The following DYNC1LI1 variants were observed in gnomAD, a reference collection of about 807,000 sequenced individuals.
DYNC1LI1 encodes cytoplasmic dynein 1 light intermediate chain 1.
A neutral mutation model predicts 63.8 loss-of-function variants in DYNC1LI1; 19 were observed. The observed-to-expected ratio is 0.30, with a 90% CI of 0.21 to 0.44. The LOEUF (loss-of-function observed/expected upper bound fraction) is 0.44, where lower values mean the gene tolerates loss of function less well. Among genes scored for constraint, DYNC1LI1 ranks in the 20% least tolerant of loss-of-function variants. The probability of loss-of-function intolerance (pLI) is 1.00; values close to 1 mark genes in which losing one functional copy is unlikely to be tolerated. For synonymous variants in DYNC1LI1, 225 were observed against 232.3 expected, an observed-to-expected ratio of 0.97 and a Z score of 0.28; for missense variants, 565 against 630.2, an observed-to-expected ratio of 0.90 and a Z score of 1.11.
At chr3:32,529,485 GATTT>G in intron 11 of DYNC1LI1, 51 bp downstream of exon 11, 3 of 1,517,428 alleles carry the variant, frequency 2.0e-6, no homozygotes, top group Non-Finnish European at 2.7e-6. Context: ...ATTTTAGATA[GATTT>G]ATTTCTCTTG....
At chr3:32,548,978 T>A (rs1246200593) in intron 2 of DYNC1LI1, among the ~76,000 whole-genome samples, 1 of 152,100 alleles carries the variant, frequency 6.6e-6, no homozygotes, top group Admixed American at 6.6e-5. Context: ...AACAGTAATA[T>A]CTATGATGAC....
At chr3:32,548,290 T>C (rs1050107012) in intron 2 of DYNC1LI1, among the ~76,000 whole-genome samples, 33 of 152,104 alleles carry the variant, frequency 2.2e-4, no homozygotes, top group African/African-American at 7.2e-4. Flanking sequence ...GCCCAAACCC[T>C]AATGTGAACT....
intron 4 of DYNC1LI1, 64 bp from the exon 5 acceptor site, chr3:32,541,270 T>C: frequency 1.8e-6 from 2 of 1,101,396 alleles, no homozygotes; most frequent in African/African-American, 1.6e-5. Context: ...TTTCTTGCCA[T>C]AATCTAAAGA....
intron 12 of DYNC1LI1, among the ~76,000 whole-genome samples, chr3:32,528,242 T>C (rs1299103304): frequency 1.3e-5 from 2 of 149,322 alleles, no homozygotes; most frequent in Non-Finnish European, 3.0e-5. Context: ...AATGTCCAGA[T>C]AGACAAATCC....
chr3:32,549,300 T>G (rs1037347597), intron 2 of DYNC1LI1, among the ~76,000 whole-genome samples: 7 of 151,108 alleles, frequency 4.6e-5, no homozygotes, highest in Non-Finnish European at 8.8e-5. Flanking sequence ...TATATCTAGT[T>G]GCCTCAGCAG....
chr3:32,540,967 A>C (rs1327251116), intron 5 of DYNC1LI1, 70 bp downstream of exon 5: 8 of 1,293,604 alleles, frequency 6.2e-6, no homozygotes, highest in African/African-American at 3.0e-5. Flanking sequence ...ACTCCAAAAA[A>C]CCTGGAAAAC....
intron 11 of DYNC1LI1, 122 bp downstream of exon 11, chr3:32,529,418 G>T: frequency 1.2e-6 from 1 of 868,602 alleles, no homozygotes; most frequent in Non-Finnish European, 1.6e-6. Context: ...TATATCCATA[G>T]AGACAAAGCC....
chr3:32,543,908 T>TA lies in DYNC1LI1; in HGVS notation c.568+967dup, dbSNP rs1392508233. 6.1e-5 allele frequency among the ~76,000 whole-genome samples: 9 copies of TA among 146,824 alleles called. No individual in the cohort carries two copies. In the East Asian group the frequency reaches 8.2e-4, roughly 13 times the overall value. ...GGCAAAACCCTATGTCTACAAAAAA[T>TA]AAAAAAAATTAGCCAGGCATGGTGG... On this transcript the variant is annotated intron_variant, in intron 4 of 12. Coordinates refer to ENST00000273130, the MANE Select transcript of DYNC1LI1 (RefSeq NM_016141.4).
chr3:32,563,339 G>A (rs1046626150), intron 2 of DYNC1LI1, among the ~76,000 whole-genome samples: 2 of 143,496 alleles, frequency 1.4e-5, no homozygotes, highest in African/African-American at 5.2e-5. Flanking sequence ...CACCCAGGCT[G>A]GAGTGCGGTG....
At chr3:32,561,034 C>CAAAA (rs1553619588) in intron 2 of DYNC1LI1, among the ~76,000 whole-genome samples, 1 of 51,918 alleles carries the variant, frequency 1.9e-5, no homozygotes, top group Non-Finnish European at 3.6e-5. Flanking sequence ...AAAAAAAAAA[C>CAAAA]AAACAAAAAA....
intron 2 of DYNC1LI1, among the ~76,000 whole-genome samples, chr3:32,567,703 CTTT>C (rs749073673): frequency 5.7e-5 from 7 of 122,140 alleles, no homozygotes; most frequent in Admixed American, 3.3e-4. Flanking sequence ...CATACCCGGC[CTTT>C]TTTTTTTTTT....
intron 2 of DYNC1LI1, among the ~76,000 whole-genome samples, chr3:32,560,240 G>A (rs1406895492): frequency 6.6e-6 from 1 of 152,038 alleles, no homozygotes; most frequent in African/African-American, 2.4e-5. Flanking sequence ...TTCAAGACCA[G>A]CCTGGCCAAC....
chr3:32,534,887 C>T (rs1343567872), intron 6 of DYNC1LI1, among the ~76,000 whole-genome samples: 1 of 152,142 alleles, frequency 6.6e-6, no homozygotes, highest in African/African-American at 2.4e-5. Context: ...CTCATTAAGA[C>T]AAGAAGTAAA....
At chr3:32,554,863 ATTT>A (rs11434502) in intron 2 of DYNC1LI1, among the ~76,000 whole-genome samples, 2 of 104,720 alleles carry the variant, frequency 1.9e-5, no homozygotes. Context: ...AAATTTTTGA[ATTT>A]TTTTTTTTTT....
chr3:32,562,265 A>C (rs982049994), intron 2 of DYNC1LI1, among the ~76,000 whole-genome samples: 6 of 152,206 alleles, frequency 3.9e-5, no homozygotes, highest in African/African-American at 1.4e-4. Flanking sequence ...TTTCTCTCTA[A>C]AACATAAAAA....
chr3:32,529,400 T>C, intron 11 of DYNC1LI1, 140 bp downstream of exon 11: 1 of 662,130 alleles, frequency 1.5e-6, no homozygotes, highest in Non-Finnish European at 2.3e-6. Flanking sequence ...TGGTTAACTA[T>C]GAGATTATAT....
At chr3:32,540,988 T>C (rs2125435710) in intron 5 of DYNC1LI1, 49 bp downstream of exon 5, 1 of 1,432,956 alleles carries the variant, frequency 7.0e-7, no homozygotes, top group East Asian at 2.5e-5. Flanking sequence ...AAAACAGTTG[T>C]TCATCCTCAG....
At chr3:32,548,576 G>A (rs959661582) in intron 2 of DYNC1LI1, among the ~76,000 whole-genome samples, 7 of 152,104 alleles carry the variant, frequency 4.6e-5, no homozygotes, top group Non-Finnish European at 7.4e-5. Context: ...AGTAGTTACC[G>A]GGGACTGGGG....
chr3:32,530,395 G>C, intron 9 of DYNC1LI1, 66 bp downstream of exon 9: 1 of 1,562,948 alleles, frequency 6.4e-7, no homozygotes, highest in Non-Finnish European at 8.8e-7. Flanking sequence ...TATTTTTAAA[G>C]AAAATACACA....
Sources: allele counts gnomAD v4.1 joint callset (sites outside exome capture counted in the v4.1 genomes callset), GRCh38; gene constraint gnomAD v4.1.1; transcripts MANE v1.5; gene names NCBI Gene and HGNC (gene_info 2026-07-23, HGNC 2026-07-21).